NECAB3: variants seen among roughly 807,000 people sequenced by gnomAD.
NECAB3 encodes the protein N-terminal EF-hand calcium-binding protein 3.
NECAB3 carries 38 observed loss-of-function variants against 57.2 expected under a neutral mutation model. The observed-to-expected ratio is 0.66, with a 90% confidence interval of 0.51 to 0.87. The LOEUF (loss-of-function observed/expected upper bound fraction) is 0.87. NECAB3 is among the 40% of genes least tolerant of loss of function. NECAB3 has a pLI of 0.00. For synonymous variants in NECAB3, 223 were observed against 222.6 expected (o/e 1.00, Z -0.02); for missense variants, 474 against 527.5 (o/e 0.90, Z 0.99).
chr20:33,668,308 C>T, intron 5 of NECAB3: 1 of 1,516,160 alleles, frequency 6.6e-7, no homozygotes, highest in Non-Finnish European at 8.8e-7. Flanking sequence ...GTGTTTGGAG[C>T]TGGCAGGGTC....
chr20:33,663,246 G>C (rs2017538305), intron 5 of NECAB3: 3 of 510,532 alleles, frequency 5.9e-6, no homozygotes, highest in East Asian at 3.7e-5. Flanking sequence ...GCCTGGAAGG[G>C]ATCTCATAAA....
intron 5 of NECAB3, chr20:33,667,729 A>G: frequency 6.2e-7 from 1 of 1,612,228 alleles, no homozygotes; most frequent in South Asian, 1.1e-5. Context: ...CAAGGCCATC[A>G]CACATCTCAA....
chr20:33,664,245 A>C, intron 5 of NECAB3: 2 of 212,042 alleles, frequency 9.4e-6, no homozygotes, highest in Non-Finnish European at 1.8e-5. Flanking sequence ...AAAGCCTGAC[A>C]TCCCCCCAGC....
intron 5 of NECAB3, chr20:33,668,251 G>A (rs760969684): frequency 1.0e-5 from 16 of 1,562,240 alleles, no homozygotes; most frequent in Non-Finnish European, 1.3e-5. Context: ...GCTGGACTGG[G>A]GGGGGTGGCA....
chr20:33,664,294 G>A (rs2017587778), intron 5 of NECAB3: 4 of 168,582 alleles, frequency 2.4e-5, no homozygotes, highest in Non-Finnish European at 3.8e-5. Context: ...AGGGTTCCCG[G>A]CCAACAGGCA....
chr20:33,668,676 C>A (rs1230305447), intron 5 of NECAB3, among the ~76,000 whole-genome samples: 1 of 152,256 alleles, frequency 6.6e-6, no homozygotes, highest in East Asian at 1.9e-4. Flanking sequence ...GTGCTCAGGT[C>A]ATTGTTGACT....
rs2017448672 is a variant in NECAB3, at chr20:33,660,799, T to C, written c.388-404A>G. Among the ~76,000 whole-genome samples the C allele has an allele frequency of 6.6e-6, 1 of 152,242 alleles. No individual in the cohort carries two copies. The highest frequency in any genetic ancestry group is 6.5e-5 in the Admixed American group (1 of 15,288). ...CACAAGGCAAAATAATGGCGTGGTG[T>C]GGCCCCAGACTCACAATCTACGTAT... On this transcript the variant is annotated intron_variant, in intron 5 of 11. Coordinates refer to ENST00000246190, the MANE Select transcript of NECAB3 (RefSeq NM_031232.4). The surrounding 1 kb of genome is among the most constrained non-coding windows in gnomAD (Gnocchi z 4.1).
In NECAB3 at chr20:33,658,751, G is replaced by A. The variant is rs1303291300; in HGVS notation, c.963C>T (p.Asp321=). ...DFHRALRCYV[D]FTGAQSHCLH... ...GACAATGGCTCTGGGCCCCTGTGAA[G>A]TCCACATAGCAGCGCAGGGCTCGGT... is the stretch of plus-strand genomic sequence containing the variant. Residue 321 remains aspartate (D), a synonymous_variant, in exon 9 of 12, where the codon GAC becomes GAT. Coordinates refer to ENST00000246190, the MANE Select transcript of NECAB3 (RefSeq NM_031232.4). The A allele has an allele frequency of 1.9e-6, 3 of 1,613,752 alleles. No individual in the cohort carries two copies. Among genetic ancestry groups the A allele is most frequent in the African/African-American group, 1.3e-5 (1 of 75,016 alleles).
chr20:33,663,677 C>G (rs766653945), intron 5 of NECAB3: 1 of 1,588,970 alleles, frequency 6.3e-7, no homozygotes, highest in Non-Finnish European at 8.5e-7. Flanking sequence ...GAGCGCGAGC[C>G]GAGGATGCCG....
chr20:33,671,408 G>C (rs182606044), intron 2 of NECAB3, among the ~76,000 whole-genome samples: 1 of 152,062 alleles, frequency 6.6e-6, no homozygotes, highest in Non-Finnish European at 1.5e-5. Flanking sequence ...GAGCTGACCC[G>C]GGGGAGGATC....
intron 5 of NECAB3, chr20:33,663,370 G>T: frequency 1.4e-6 from 1 of 721,672 alleles, no homozygotes; most frequent in Non-Finnish European, 2.2e-6. Context: ...GGCCTGAATT[G>T]GACAGGGGTC....
intron 5 of NECAB3, chr20:33,662,537 G>A: frequency 6.6e-7 from 1 of 1,514,336 alleles, no homozygotes; most frequent in African/African-American, 1.4e-5. Flanking sequence ...CTGGACAAGT[G>A]GGTGGGAAGG....
At chr20:33,669,886 G>A (rs2122516286) in intron 3 of NECAB3, among the ~76,000 whole-genome samples, 174 bp from the exon 4 acceptor site, 1 of 152,308 alleles carries the variant, frequency 6.6e-6, no homozygotes, top group Non-Finnish European at 1.5e-5. Flanking sequence ...GTTGGAGAAT[G>A]GGTTCTACTG....
intron 3 of NECAB3, 84 bp downstream of exon 3, chr20:33,670,600 C>T: frequency 9.9e-7 from 1 of 1,009,918 alleles, no homozygotes; most frequent in Non-Finnish European, 1.5e-6. Flanking sequence ...CCTCATCCTA[C>T]AAAAGGAACC....
chr20:33,663,816 C>A (rs1425299819), intron 5 of NECAB3: 2 of 1,414,100 alleles, frequency 1.4e-6, no homozygotes, highest in African/African-American at 1.5e-5. Flanking sequence ...AAGCCGGCCC[C>A]GCCGAGGAGC....
intron 5 of NECAB3, among the ~76,000 whole-genome samples, chr20:33,665,811 G>A (rs191568321): frequency 2.4e-4 from 36 of 152,230 alleles, no homozygotes; most frequent in African/African-American, 7.5e-4. Flanking sequence ...TGCTGGGTGC[G>A]GTGGCTCACA....
intron 2 of NECAB3, chr20:33,672,154 G>T: frequency 1.7e-6 from 1 of 574,704 alleles, no homozygotes; most frequent in South Asian, 2.0e-5. Context: ...ATGCCAGGGT[G>T]CTGTGTGAAA....
At position 33,659,990 on chromosome 20, in the gene NECAB3, T is replaced by C. The variant is rs1372138448; in HGVS notation, c.538A>G (p.Ser180Gly). 3.8e-6 allele frequency: 6 copies of C among 1,573,258 alleles called. No homozygotes were observed. The highest frequency in any genetic ancestry group is 3.7e-5 in the Admixed American group (2 of 53,470). ...CAGAGCCTGCTCTGCGCCTCCACGC[T>C]CTCTGCATCTGACCTAGAGGAAGTG... ...QAHGWRSDAE[S>G]VEAQSRLCGS... Residue 180 changes from serine to glycine, a missense_variant, in exon 7 of 12, where the codon AGC (serine) becomes GGC (glycine). Ser to Gly is a moderately conservative substitution (Grantham distance 56). Coordinates refer to ENST00000246190, the MANE Select transcript of NECAB3 (RefSeq NM_031232.4).
rs749146601 is a variant in NECAB3 at position 33,657,977 on chromosome 20, C to T, written c.1127G>A (p.Arg376Gln). 5.0e-5 allele frequency: 78 copies of T among 1,556,914 alleles called. No homozygotes were observed. The highest frequency in any genetic ancestry group is 5.1e-5 in the Non-Finnish European group (59 of 1,150,198). ...CACAGTGGTGAGGGTGTCCGGGGCCCGCAGGTGGTCGATGAGGATGCGCTG... is the reference window on the plus strand; with the variant it reads ...CACAGTGGTGAGGGTGTCCGGGGCCTGCAGGTGGTCGATGAGGATGCGCTG... ...AFQRILIDHL[R>Q]APDTLTTVFF... is the part of the protein sequence containing the mutation. The change falls in exon 11 of 12, where the codon CGG (arginine) becomes CAG (glutamine). Residue 376 changes from arginine to glutamine, a missense_variant. Coordinates refer to ENST00000246190, the MANE Select transcript of NECAB3 (RefSeq NM_031232.4).
Sources: allele counts gnomAD v4.1 joint callset (sites outside exome capture counted in the v4.1 genomes callset), GRCh38; gene constraint gnomAD v4.1.1; non-coding constraint Gnocchi (gnomAD v3.1); transcripts MANE v1.5; gene names NCBI Gene and HGNC (gene_info 2026-07-23, HGNC 2026-07-21).